Variants in INIP observed in about 807,000 individuals in gnomAD.
INIP encodes the protein INTS3 and NABP interacting protein.
Under a neutral mutation model 14.0 loss-of-function variants are expected in INIP, and 9 were observed. The ratio of observed to expected loss-of-function variants is 0.64; its 90% CI spans 0.39 to 1.12. The LOEUF (loss-of-function observed/expected upper bound fraction) is 1.12, where lower values mean the gene tolerates loss of function less well. Ranked by LOEUF, INIP falls within the 50% of genes most tolerant of loss-of-function variation. The pLI is 0.01. For missense variants in INIP, 78 were observed against 122.7 expected (o/e 0.64, Z 1.72); for synonymous variants, 37 against 41.5 (o/e 0.89, Z 0.41).
intron 2 of INIP, among the ~76,000 whole-genome samples, chr9:112,699,083 C>T (rs1276641855): frequency 3.3e-5 from 5 of 151,812 alleles, no homozygotes; most frequent in Non-Finnish European, 4.4e-5. Context: ...TTTGGGAGGT[C>T]GAGGCAGGAG....
At position 112,716,471 on chromosome 9, in the gene INIP, AGAG is replaced by A. The variant is rs1214034660; in HGVS notation, c.12_14del (p.Ser6del). 6.2e-7 allele frequency: 1 copy of A among 1,613,686 alleles called. No homozygotes were observed. Among genetic ancestry groups the A allele is most frequent in the East Asian group, 2.2e-5 (1 of 44,870 alleles). ...TCCTGCTGTCATTACCTTGTCCTGA[AGAG>A]TTTGCTGCCATTTTCCTATTTTGTT... On this transcript the variant is annotated inframe_deletion, in exon 2 of 5. Coordinates refer to ENST00000374242, the MANE Select transcript of INIP (RefSeq NM_021218.3).
chr9:112,699,275 C>A (rs1255019803), intron 2 of INIP, among the ~76,000 whole-genome samples: 1 of 151,852 alleles, frequency 6.6e-6, no homozygotes, highest in Non-Finnish European at 1.5e-5. Flanking sequence ...TGGGCCACTG[C>A]ACTCTGGCCT....
chr9:112,716,618 C>T, intron 1 of INIP, 77 bp from the exon 2 acceptor site: 1 of 760,592 alleles, frequency 1.3e-6, no homozygotes, highest in South Asian at 1.5e-5. Context: ...AGCCTCCTTA[C>T]AATGAAATGT....
intron 2 of INIP, among the ~76,000 whole-genome samples, chr9:112,699,583 C>T (rs1265925423): frequency 1.3e-5 from 2 of 151,886 alleles, no homozygotes; most frequent in Admixed American, 6.6e-5. Flanking sequence ...TAAACTTTAT[C>T]GTAGGTATGT....
chr9:112,712,495 C>G (rs1007040319), intron 2 of INIP, among the ~76,000 whole-genome samples: 13 of 151,856 alleles, frequency 8.6e-5, no homozygotes, highest in African/African-American at 3.1e-4. Context: ...ATGCTGTCAA[C>G]AAAAACCAAC....
chr9:112,704,039 A>G (rs1032226805), intron 2 of INIP, among the ~76,000 whole-genome samples: 6 of 152,192 alleles, frequency 3.9e-5, no homozygotes, highest in African/African-American at 1.2e-4. Flanking sequence ...TGTTAAGTAT[A>G]TGTCTATTTA....
chr9:112,685,360 C>CT lies in INIP; in HGVS notation c.*2177dup, dbSNP rs1837623918. The CT allele has an allele frequency of 6.6e-6, 1 of 151,902 alleles. No individual in the cohort carries two copies. Among genetic ancestry groups the CT allele is most frequent in the African/African-American group, 2.4e-5 (1 of 41,340 alleles). The allele number at this position is 151,902 out of a possible 1,614,324, so 9.4% of individuals were successfully genotyped here. On this transcript the variant is annotated 3_prime_UTR_variant, in exon 5 of 5. Coordinates refer to ENST00000374242, the MANE Select transcript of INIP (RefSeq NM_021218.3). Reference sequence around the variant, plus strand: ...AGAATAGGATCCTCTGCACGGTGACCTCCTAAAAGAGCAGGTACCAGTCAC... The same window carrying CT: ...AGAATAGGATCCTCTGCACGGTGACCTTCCTAAAAGAGCAGGTACCAGTCAC...
chr9:112,716,879 C>T (rs1285473845), intron 1 of INIP, among the ~76,000 whole-genome samples: 1 of 150,906 alleles, frequency 6.6e-6, no homozygotes, highest in Non-Finnish European at 1.5e-5. Flanking sequence ...CACTTGAACC[C>T]GGGTGGCGGA....
At position 112,687,228 on chromosome 9, in the gene INIP, G is replaced by A. The variant is rs1262058485; in HGVS notation, c.*310C>T. 2 of 215,226 alleles carry A rather than the reference G, an allele frequency of 9.3e-6. No homozygotes were observed. Among genetic ancestry groups the A allele is most frequent in the Non-Finnish European group, 1.8e-5 (2 of 108,148 alleles). 13.3% of individuals were successfully genotyped at this position (215,226 alleles called of 1,614,324 possible). On this transcript the variant is annotated 3_prime_UTR_variant, in exon 5 of 5. Transcript: ENST00000374242. ...ATCTACTGTGGACATGATATATTCA[G>A]TCAAACTTGCTAGGAGTTGGGGAAT...
chr9:112,689,710 T>G, intron 3 of INIP, 93 bp from the exon 4 acceptor site: 1 of 906,376 alleles, frequency 1.1e-6, no homozygotes, highest in East Asian at 2.5e-5. Flanking sequence ...TTTTTTAAAT[T>G]GAGGTATCCT....
rs1838070895 is a variant in INIP at position 112,695,850 on chromosome 9, AAGG to A, written c.26-1620_26-1618del. 2.0e-5 allele frequency among the ~76,000 whole-genome samples: 3 copies of A among 150,948 alleles called. No homozygotes were observed. In the South Asian group the frequency reaches 6.3e-4, roughly 32 times the overall value. ...GAAGAAGGAGAAGAAGGAGAAGAAG[AAGG>A]AGAAGAAGAAGGAGAAGAAGAAGGA... On this transcript the variant is annotated intron_variant, in intron 2 of 4. Transcript: ENST00000374242.
chr9:112,714,737 G>A (rs1206920653), intron 2 of INIP, among the ~76,000 whole-genome samples: 2 of 152,118 alleles, frequency 1.3e-5, no homozygotes, highest in South Asian at 2.1e-4. Context: ...ATAATATAAA[G>A]GATGTTGTAT....
intron 2 of INIP, among the ~76,000 whole-genome samples, chr9:112,713,923 G>T (rs1256673763): frequency 2.6e-5 from 4 of 151,544 alleles, no homozygotes; most frequent in Admixed American, 2.0e-4. Context: ...GGTGGAGGTT[G>T]CAGTGAGCTG....
chr9:112,711,236 A>G (rs1169188138), intron 2 of INIP, among the ~76,000 whole-genome samples: 1 of 152,138 alleles, frequency 6.6e-6, no homozygotes, highest in Non-Finnish European at 1.5e-5. Flanking sequence ...AGAATTTTAA[A>G]ATTTCACTGG....
At chr9:112,698,420 A>G (rs969971485) in intron 2 of INIP, among the ~76,000 whole-genome samples, 10 of 152,178 alleles carry the variant, frequency 6.6e-5, no homozygotes, top group African/African-American at 2.4e-4. Context: ...CCGCTCTGAA[A>G]ACTTCAACTA....
chr9:112,699,783 A>G (rs772450728), intron 2 of INIP, among the ~76,000 whole-genome samples: 2 of 152,098 alleles, frequency 1.3e-5, no homozygotes, highest in African/African-American at 4.8e-5. Context: ...TTTCAGTTGA[A>G]TGTACCTTTC....
intron 2 of INIP, among the ~76,000 whole-genome samples, chr9:112,710,531 T>C (rs560020399): frequency 6.6e-6 from 1 of 152,164 alleles, no homozygotes; most frequent in African/African-American, 2.4e-5. Flanking sequence ...ATTCTCATGA[T>C]TGAAAGCCTA....
At chr9:112,688,767 C>T (rs1837774828) in intron 4 of INIP, among the ~76,000 whole-genome samples, 1 of 152,114 alleles carries the variant, frequency 6.6e-6, no homozygotes, top group African/African-American at 2.4e-5. Flanking sequence ...TACTTGAACC[C>T]AGGAGTTCGA....
intron 2 of INIP, among the ~76,000 whole-genome samples, chr9:112,711,450 T>A (rs1434404668): frequency 1.3e-5 from 2 of 151,880 alleles, no homozygotes; most frequent in African/African-American, 4.9e-5. Context: ...ATGATTGCGT[T>A]TTTACTACAA....
Sources: gnomAD v4.1 joint callset for allele counts (sites outside exome capture counted in the v4.1 genomes callset) on GRCh38, gnomAD v4.1.1 for gene constraint, MANE v1.5 for transcripts, NCBI Gene and HGNC (gene_info 2026-07-23, HGNC 2026-07-21) for gene names.